GRIN2A: variants seen among roughly 807,000 people sequenced by gnomAD.
GRIN2A encodes glutamate receptor ionotropic, NMDA 2A.
GRIN2A carries 22 observed loss-of-function variants against 113.4 expected under a neutral mutation model. That is an observed-to-expected ratio of 0.19 (90% confidence interval 0.14 to 0.28). The LOEUF (loss-of-function observed/expected upper bound fraction) is 0.28. Among genes scored for constraint, GRIN2A ranks in the 10% least tolerant of loss-of-function variants. GRIN2A has a pLI of 1.00. For missense variants in GRIN2A, 1,502 were observed against 1,887.0 expected (o/e 0.80, Z 3.78); for synonymous variants, 827 against 738.4 (o/e 1.12, Z -1.94).
At chr16:9,999,236 G>A (rs566583061) in intron 2 of GRIN2A, among the ~76,000 whole-genome samples, 3 of 152,120 alleles carry the variant, frequency 2.0e-5, no homozygotes, top group African/African-American at 7.2e-5. Context: ...GACTGCCTGG[G>A]TTCAAATCCT....
At chr16:10,142,846 T>C (rs2049355011) in intron 2 of GRIN2A, among the ~76,000 whole-genome samples, 1 of 152,204 alleles carries the variant, frequency 6.6e-6, no homozygotes, top group African/African-American at 2.4e-5. Flanking sequence ...TCGGGTCTCA[T>C]CCCTTTTCCA....
At chr16:9,977,688 T>C (rs2045803803) in intron 2 of GRIN2A, among the ~76,000 whole-genome samples, 1 of 152,064 alleles carries the variant, frequency 6.6e-6, no homozygotes, top group Non-Finnish European at 1.5e-5. Flanking sequence ...TGTCCCACTC[T>C]CCTCCTCATA....
intron 2 of GRIN2A, among the ~76,000 whole-genome samples, chr16:10,073,764 A>T (rs2047808865): frequency 6.6e-6 from 1 of 151,114 alleles, no homozygotes; most frequent in Admixed American, 6.6e-5. Flanking sequence ...AAAAAAAAAA[A>T]ATTAGCCGGG....
chr16:10,107,003 T>G (rs903664582), intron 2 of GRIN2A, among the ~76,000 whole-genome samples: 5 of 152,154 alleles, frequency 3.3e-5, no homozygotes, highest in Admixed American at 6.5e-5. Context: ...TAAATGGACA[T>G]GTGGAGATTT....
At chr16:9,853,224 C>T (rs985703739) in intron 4 of GRIN2A, among the ~76,000 whole-genome samples, 2 of 152,136 alleles carry the variant, frequency 1.3e-5, no homozygotes, top group African/African-American at 2.4e-5. Context: ...CTTGTAGGCT[C>T]TATTAAGAAG....
At chr16:9,905,439 C>T (rs1049974225) in intron 3 of GRIN2A, among the ~76,000 whole-genome samples, 1 of 152,168 alleles carries the variant, frequency 6.6e-6, no homozygotes, top group African/African-American at 2.4e-5. Flanking sequence ...TAAAACGAGC[C>T]AGGTGCAAGA....
intron 2 of GRIN2A, among the ~76,000 whole-genome samples, chr16:10,154,515 G>T (rs775959856): frequency 3.7e-4 from 57 of 152,306 alleles, no homozygotes; most frequent in Middle Eastern, 6.8e-3. Context: ...CAGGGACATT[G>T]TTCCCCCAGC....
At chr16:9,796,226 G>C (rs1338454981) in intron 11 of GRIN2A, among the ~76,000 whole-genome samples, 1 of 152,170 alleles carries the variant, frequency 6.6e-6, no homozygotes, top group Non-Finnish European at 1.5e-5. Flanking sequence ...ACATTTAAAA[G>C]TTTCCAGCCA....
chr16:10,078,201 T>C (rs923842319), intron 2 of GRIN2A, among the ~76,000 whole-genome samples: 3 of 152,218 alleles, frequency 2.0e-5, no homozygotes, highest in African/African-American at 4.8e-5. Context: ...AGTCCACGGA[T>C]TGAAACATCT....
intron 2 of GRIN2A, among the ~76,000 whole-genome samples, chr16:9,976,152 C>T (rs1412053928): frequency 1.3e-5 from 2 of 152,150 alleles, no homozygotes; most frequent in African/African-American, 4.8e-5. Flanking sequence ...AATTTTATAG[C>T]TTACATAAAT....
In GRIN2A at chr16:9,756,622, C is replaced by A; in HGVS notation, c.*6527G>T. ...AAAACCTGAGCCTCAGTTTCCTTAT[C>A]TGTAAAATGGGAGCAATCATATTTA... On this transcript the variant is annotated 3_prime_UTR_variant, in exon 13 of 13. Coordinates refer to ENST00000330684, the MANE Select transcript of GRIN2A (RefSeq NM_001134407.3). The A allele has an allele frequency of 5.1e-6, 1 of 196,890 alleles. No homozygotes were observed. Among genetic ancestry groups the A allele is most frequent in the Non-Finnish European group, 1.1e-5 (1 of 94,968 alleles). The allele number at this position is 196,890 out of a possible 1,614,324, so 12.2% of individuals were successfully genotyped here.
At chr16:9,798,075 T>G (rs1323005262) in intron 11 of GRIN2A, among the ~76,000 whole-genome samples, 1 of 152,222 alleles carries the variant, frequency 6.6e-6, no homozygotes, top group Non-Finnish European at 1.5e-5. Flanking sequence ...TTAGAATACT[T>G]TTGTTTGTTA....
At chr16:10,025,770 G>A (rs1475362169) in intron 2 of GRIN2A, among the ~76,000 whole-genome samples, 2 of 152,158 alleles carry the variant, frequency 1.3e-5, no homozygotes, top group Non-Finnish European at 2.9e-5. Flanking sequence ...GGCTGGCAGA[G>A]ACAGGCAGGC....
chr16:9,814,724 A>C (rs1197269736), intron 10 of GRIN2A, among the ~76,000 whole-genome samples: 1 of 152,134 alleles, frequency 6.6e-6, no homozygotes, highest in East Asian at 1.9e-4. Flanking sequence ...GCACTAATAA[A>C]AATGTACCTT....
chr16:9,976,793 T>G (rs1471220472), intron 2 of GRIN2A, among the ~76,000 whole-genome samples: 1 of 152,180 alleles, frequency 6.6e-6, no homozygotes. Flanking sequence ...GCGTCACTTG[T>G]AGATATATCC....
intron 2 of GRIN2A, among the ~76,000 whole-genome samples, chr16:10,083,573 T>C (rs904833077): frequency 6.6e-6 from 1 of 152,336 alleles, no homozygotes; most frequent in South Asian, 2.1e-4. Context: ...TACTCCTGTC[T>C]GCATCCTGGA....
In GRIN2A at chr16:9,838,267, A is replaced by C. The variant is rs1203120546; in HGVS notation, c.1651+2380T>G. Among the ~76,000 whole-genome samples the C allele has an allele frequency of 2.6e-5, 4 of 152,208 alleles. No individual in the cohort carries two copies. In the South Asian group the frequency reaches 6.2e-4, roughly 24 times the overall value. On this transcript the variant is annotated intron_variant, in intron 7 of 12. Transcript: ENST00000330684. The stretch of plus-strand genomic sequence containing the variant: ...TTCTCAAACAACTAAAAGTAGATCT[A>C]CCATTTGATCCAGCAATTTCACTAC...
intron 12 of GRIN2A, among the ~76,000 whole-genome samples, chr16:9,766,371 G>A (rs1249703053): frequency 6.6e-6 from 1 of 152,134 alleles, no homozygotes; most frequent in Non-Finnish European, 1.5e-5. Flanking sequence ...CATTTTTCTT[G>A]TAGTAGACAG....
intron 2 of GRIN2A, among the ~76,000 whole-genome samples, chr16:10,079,260 G>C (rs1375220287): frequency 6.6e-6 from 1 of 152,198 alleles, no homozygotes; most frequent in Non-Finnish European, 1.5e-5. Flanking sequence ...GTATGATAAA[G>C]GCTGTGAAAG....
Sources: gnomAD v4.1 joint callset for allele counts (sites outside exome capture counted in the v4.1 genomes callset) on GRCh38, gnomAD v4.1.1 for gene constraint, MANE v1.5 for transcripts, NCBI Gene and HGNC (gene_info 2026-07-23, HGNC 2026-07-21) for gene names.